The following PPP3CA variants were observed in gnomAD, a reference collection of about 807,000 sequenced individuals.
The protein encoded by PPP3CA is CAM-PRP catalytic subunit.
PPP3CA carries 14 observed loss-of-function variants against 66.5 expected under a neutral mutation model. The observed-to-expected ratio is 0.21, with a 90% CI of 0.14 to 0.33. The LOEUF (loss-of-function observed/expected upper bound fraction) is 0.33. PPP3CA is among the 10% of genes least tolerant of loss of function. The pLI is 1.00. For synonymous variants in PPP3CA, 232 were observed against 226.2 expected, an observed-to-expected ratio of 1.03 and a Z score of -0.23; for missense variants, 317 against 639.5, an observed-to-expected ratio of 0.50 and a Z score of 5.44.
chr4:101,100,496 T>C (rs983061187), intron 3 of PPP3CA, among the ~76,000 whole-genome samples: 2 of 152,150 alleles, frequency 1.3e-5, no homozygotes, highest in Non-Finnish European at 2.9e-5. Context: ...CATTGCAGTC[T>C]GTAAAAATGA....
At chr4:101,324,934 G>A (rs1729165637) in intron 1 of PPP3CA, among the ~76,000 whole-genome samples, 1 of 152,126 alleles carries the variant, frequency 6.6e-6, no homozygotes, top group African/African-American at 2.4e-5. Context: ...TAAGAAGCTG[G>A]AACAGAACAC....
At chr4:101,163,346 G>A (rs1487385778) in intron 2 of PPP3CA, among the ~76,000 whole-genome samples, 1 of 152,102 alleles carries the variant, frequency 6.6e-6, no homozygotes, top group African/African-American at 2.4e-5. Flanking sequence ...GGCTTTTGTT[G>A]TTGTTCGCCC....
chr4:101,261,026 A>G (rs1201356873), intron 1 of PPP3CA, among the ~76,000 whole-genome samples: 2 of 152,144 alleles, frequency 1.3e-5, no homozygotes, highest in Non-Finnish European at 2.9e-5. Context: ...ATTTTTTGAC[A>G]AGATCTTCCA....
chr4:101,054,186 AT>A (rs3840146), intron 10 of PPP3CA, among the ~76,000 whole-genome samples: 28,292 of 151,664 alleles, frequency 0.19, 2,860 homozygotes, highest in Middle Eastern at 0.31. Flanking sequence ...CTATAACATC[AT>A]TTTTTTAGAT....
intron 1 of PPP3CA, among the ~76,000 whole-genome samples, chr4:101,204,415 T>C (rs955246015): frequency 6.6e-6 from 1 of 151,962 alleles, no homozygotes; most frequent in Non-Finnish European, 1.5e-5. Context: ...AGCGGGCGGA[T>C]CACGAGGTCA....
chr4:101,331,284 T>C (rs1463780640), intron 1 of PPP3CA, among the ~76,000 whole-genome samples: 2 of 152,146 alleles, frequency 1.3e-5, no homozygotes, highest in East Asian at 1.9e-4. Context: ...TGAGGTAATA[T>C]ACATGCAAGG....
intron 2 of PPP3CA, among the ~76,000 whole-genome samples, chr4:101,116,464 G>A (rs191656921): frequency 6.6e-6 from 1 of 151,778 alleles, no homozygotes; most frequent in African/African-American, 2.4e-5. Context: ...ATTTTGCAGA[G>A]AAAGATTTTG....
At chr4:101,230,504 G>C (rs973309389) in intron 1 of PPP3CA, among the ~76,000 whole-genome samples, 2 of 151,594 alleles carry the variant, frequency 1.3e-5, no homozygotes, top group African/African-American at 4.8e-5. Context: ...GGGTGACAGA[G>C]AGAGAGACCC....
rs1726546569 is a variant in PPP3CA at position 101,024,704 on chromosome 4, G to GCTAA, written c.*1157_*1160dup. 6.6e-6 allele frequency: 1 copy of GCTAA among 152,588 alleles called. No homozygotes were observed. Among genetic ancestry groups the GCTAA allele is most frequent in the African/African-American group, 2.4e-5 (1 of 41,418 alleles). The allele number at this position is 152,588 out of a possible 1,614,324, so 9.5% of individuals were successfully genotyped here. A position where few individuals can be genotyped will look rare whatever the true frequency, so the allele number is the denominator to read the frequency against. ...TAATTTCACAAGGTTTGCTAAACAT[G>GCTAA]CTAACCATCTACATGTGCATTGACA... is the stretch of plus-strand genomic sequence containing the variant. On this transcript the variant is annotated 3_prime_UTR_variant, in exon 14 of 14. Coordinates refer to ENST00000394854, the MANE Select transcript of PPP3CA (RefSeq NM_000944.5).
At chr4:101,052,574 C>G (rs1332801404) in intron 10 of PPP3CA, among the ~76,000 whole-genome samples, 1 of 150,902 alleles carries the variant, frequency 6.6e-6, no homozygotes, top group East Asian at 1.9e-4. Context: ...TGAAAACAAA[C>G]AAAAAAACCA....
chr4:101,272,566 G>A (rs191441512), intron 1 of PPP3CA, among the ~76,000 whole-genome samples: 52 of 152,250 alleles, frequency 3.4e-4, no homozygotes, highest in African/African-American at 1.0e-3. Context: ...CTTCTCTTAT[G>A]CTCAGAGAAG....
intron 2 of PPP3CA, among the ~76,000 whole-genome samples, chr4:101,124,739 GAAAGAAA>G (rs1560614543): frequency 1.1e-5 from 1 of 87,380 alleles, no homozygotes; most frequent in Non-Finnish European, 2.2e-5. Flanking sequence ...AAGAAAGAAA[GAAAGAAA>G]GAAAGAAAGA....
chr4:101,046,689 C>G (rs1044566877), intron 10 of PPP3CA, among the ~76,000 whole-genome samples: 1 of 152,060 alleles, frequency 6.6e-6, no homozygotes, highest in Non-Finnish European at 1.5e-5. Context: ...CATTCCTATT[C>G]TACTTGAAAG....
At chr4:101,102,137 T>A (rs1730470343) in intron 3 of PPP3CA, among the ~76,000 whole-genome samples, 1 of 152,154 alleles carries the variant, frequency 6.6e-6, no homozygotes, top group East Asian at 1.9e-4. Flanking sequence ...ATACATGTAA[T>A]ATCCCTGATT....
In PPP3CA at chr4:101,106,450, A is replaced by AAAGAAAGAAAAGAAGAGAAGAGAAGAG. The variant is rs751759518; in HGVS notation, c.384+2503_384+2504insCTCTTCTCTTCTCTTCTTTTCTTTCTT. Among the ~76,000 whole-genome samples the AAAGAAAGAAAAGAAGAGAAGAGAAGAG allele has an allele frequency of 1.8e-4, 2 of 11,094 alleles. 1 individual carries two copies. The highest frequency in any genetic ancestry group is 8.2e-4 in the African/African-American group (2 of 2,442). 7.3% of individuals were successfully genotyped at this position (11,094 alleles called of 152,430 possible). On this transcript the variant is annotated intron_variant, in intron 3 of 13. Transcript: ENST00000394854. ...GAAAGAAAGAAAGAAAGAAAGAAAG[A>AAAGAAAGAAAAGAAGAGAAGAGAAGAG]AAGAGAAAAGAAAAGAAAAGAAAAG... is the stretch of plus-strand genomic sequence containing the variant.
intron 1 of PPP3CA, among the ~76,000 whole-genome samples, chr4:101,226,756 T>G (rs1473792491): frequency 6.6e-6 from 1 of 151,700 alleles, no homozygotes; most frequent in Non-Finnish European, 1.5e-5. Context: ...GACATCCTAT[T>G]TACAATGGCC....
intron 2 of PPP3CA, among the ~76,000 whole-genome samples, chr4:101,194,721 C>G (rs1724730742): frequency 6.6e-6 from 1 of 152,032 alleles, no homozygotes; most frequent in African/African-American, 2.4e-5. Flanking sequence ...TGCCCACCAG[C>G]ACACCCAGCT....
chr4:101,342,425 C>T (rs1729846211), intron 1 of PPP3CA, among the ~76,000 whole-genome samples: 2 of 151,854 alleles, frequency 1.3e-5, no homozygotes, highest in African/African-American at 2.4e-5. Context: ...TATAATAGTC[C>T]CAAAAGGAAA....
At chr4:101,178,814 C>T (rs1047437518) in intron 2 of PPP3CA, among the ~76,000 whole-genome samples, 1 of 152,130 alleles carries the variant, frequency 6.6e-6, no homozygotes, top group African/African-American at 2.4e-5. Flanking sequence ...CTTCACACAG[C>T]CCTCATATTA....
Sources: gnomAD v4.1 joint callset for allele counts (sites outside exome capture counted in the v4.1 genomes callset) on GRCh38, gnomAD v4.1.1 for gene constraint, MANE v1.5 for transcripts, NCBI Gene and HGNC (gene_info 2026-07-23, HGNC 2026-07-21) for gene names.